Variants in TLR8 observed in about 807,000 individuals in gnomAD.
TLR8 encodes the protein toll like receptor 8.
In TLR8, 5 loss-of-function variants were observed where a neutral mutation model predicts 18.5. The observed-to-expected ratio is 0.27, with a 90% CI of 0.14 to 0.57. The LOEUF (loss-of-function observed/expected upper bound fraction) is 0.57, where lower values mean the gene tolerates loss of function less well. Ranked by LOEUF, TLR8 falls within the 20% of genes least tolerant of loss-of-function variation. TLR8 has a pLI of 0.92. For synonymous variants in TLR8, 299 were observed against 300.1 expected (o/e 1.00, Z 0.04); for missense variants, 543 against 769.8 (o/e 0.71, Z 3.49).
In TLR8 at chrX:12,920,825, C is replaced by T; in HGVS notation, c.1785C>T (p.Asn595=). The part of the protein sequence containing the change: ...NLKVLNLSHN[N]IYTLTDKYNL... The stretch of plus-strand genomic sequence containing the variant: ...AAGTTTTAAACTTGAGCCACAACAA[C>T]ATTTATACTTTAACAGATAAGTATA... The change falls in exon 2 of 2, where the codon AAC becomes AAT. Residue 595 remains asparagine (N), a synonymous_variant. Transcript: ENST00000218032. 1 of 1,210,997 alleles carries T rather than the reference C, an allele frequency of 8.3e-7. No individual in the cohort carries two copies. The highest frequency in any genetic ancestry group is 1.1e-6 in the Non-Finnish European group (1 of 894,860).
chrX:12,908,302 T>C (rs2042998580), intron 1 of TLR8: 1 of 111,426 alleles, frequency 9.0e-6, no homozygotes, highest in African/African-American at 3.3e-5. Context: ...GATCGCACCA[T>C]TGTACTCCAG....
chrX:12,909,574 C>A (rs1006915008), intron 1 of TLR8, among the ~76,000 whole-genome samples: 7 of 111,796 alleles, frequency 6.3e-5, no homozygotes, highest in African/African-American at 2.3e-4. Flanking sequence ...TGGAAGTTCT[C>A]TGTGGTAGCC....
intron 1 of TLR8, chrX:12,910,382 G>C (rs1176810035): frequency 8.6e-7 from 1 of 1,166,942 alleles, no homozygotes; most frequent in Admixed American, 2.6e-5. Context: ...CTTTGAAAGG[G>C]AGAATGAAGG....
At chrX:12,918,765 G>T (rs1016537430) in intron 1 of TLR8, among the ~76,000 whole-genome samples, 5 of 111,256 alleles carry the variant, frequency 4.5e-5, no homozygotes, top group African/African-American at 1.6e-4. Flanking sequence ...AAACTCCTGG[G>T]CTCAAACCAT....
rs761665080 is a variant in TLR8, at chrX:12,919,277, G to A, written c.237G>A (p.Thr79=). The A allele has an allele frequency of 2.6e-5, 32 of 1,210,193 alleles. No homozygotes were observed. In the South Asian group the frequency reaches 4.4e-4, roughly 17 times the overall value. The change falls in exon 2 of 2, where the codon ACG becomes ACA. Residue 79 remains threonine, a synonymous_variant. Transcript: ENST00000218032. The part of the protein sequence containing the change: ...DLSDNFITHI[T]NESFQGLQNL... Reference sequence around the variant, plus strand: ...CTGATAATTTCATCACACACATAACGAATGAATCATTTCAAGGGCTGCAAA... The same window carrying A: ...CTGATAATTTCATCACACACATAACAAATGAATCATTTCAAGGGCTGCAAA...
intron 1 of TLR8, among the ~76,000 whole-genome samples, chrX:12,909,859 T>TTTTTTG (rs1231441041): frequency 1.8e-5 from 2 of 112,225 alleles, no homozygotes; most frequent in Non-Finnish European, 1.9e-5. Context: ...TTCTTTGGGT[T>TTTTTTG]TTTTTGTTTT....
Position 12,920,682 on chromosome X carries a change from A to G in TLR8, c.1642A>G (p.Ser548Gly). The change falls in exon 2 of 2, where the codon AGT (serine) becomes GGT (glycine). Residue 548 changes from serine (S) to glycine (G), a missense_variant. Ser to Gly is a moderately conservative substitution (Grantham distance 56). Coordinates refer to ENST00000218032, the MANE Select transcript of TLR8 (RefSeq NM_138636.5). ...CAATAGACTAGACTTTGATAATGCT[A>G]GTGCTCTTACTGAATTGTCCGACTT... ...TNNRLDFDNA[S>G]ALTELSDLEV... 8.3e-7 allele frequency: 1 copy of G among 1,211,795 alleles called. No homozygotes were observed. Among genetic ancestry groups the G allele is most frequent in the Non-Finnish European group, 1.1e-6 (1 of 895,254 alleles).
intron 1 of TLR8, among the ~76,000 whole-genome samples, chrX:12,917,686 A>G (rs1049959889): frequency 8.9e-6 from 1 of 112,344 alleles, no homozygotes; most frequent in Non-Finnish European, 1.9e-5. Flanking sequence ...ATTAAGAAAC[A>G]GTTACAGAAA....
intron 1 of TLR8, among the ~76,000 whole-genome samples, chrX:12,917,824 T>C (rs1258814730): frequency 8.9e-6 from 1 of 112,377 alleles, no homozygotes; most frequent in Non-Finnish European, 1.9e-5. Context: ...AGGGAACATA[T>C]GAGTAGTAAT....
intron 1 of TLR8, among the ~76,000 whole-genome samples, chrX:12,918,116 A>G (rs779161724): frequency 6.0e-4 from 68 of 112,588 alleles, no homozygotes; most frequent in African/African-American, 2.1e-3. Context: ...CACTTAGCAC[A>G]ATACCTGACA....
intron 1 of TLR8, among the ~76,000 whole-genome samples, chrX:12,913,642 T>G (rs960874993): frequency 1.2e-4 from 14 of 112,854 alleles, no homozygotes; most frequent in African/African-American, 4.5e-4. Flanking sequence ...GCTAACAGCC[T>G]TTGCAATGAA....
At chrX:12,907,819 G>A (rs1054410618) in intron 1 of TLR8, among the ~76,000 whole-genome samples, 4 of 110,846 alleles carry the variant, frequency 3.6e-5, no homozygotes, top group East Asian at 5.7e-4. Flanking sequence ...GAGCCACCGC[G>A]CCCGGCCTGA....
intron 1 of TLR8, among the ~76,000 whole-genome samples, chrX:12,914,748 T>C (rs1458733992): frequency 8.9e-6 from 1 of 112,026 alleles, no homozygotes; most frequent in African/African-American, 3.3e-5. Flanking sequence ...ATCTCATGAC[T>C]GAAGTTCTGT....
At position 12,921,057 on chromosome X, in the gene TLR8, G is replaced by T. The variant is rs757615848; in HGVS notation, c.2017G>T (p.Asp673Tyr). Residue 673 changes from aspartate to tyrosine, a missense_variant, in exon 2 of 2, where the codon GAT becomes TAT. This residue lies in a region of TLR8 where 227 missense variants were observed against 312.9 expected (regional missense o/e 0.73). Coordinates refer to ENST00000218032, the MANE Select transcript of TLR8 (RefSeq NM_138636.5). ...PASLTELHIN[D>Y]NMLKFFNWTL... Reference sequence around the variant, plus strand: ...GAGTCTCACTGAACTACATATAAATGATAATATGTTAAAGTTTTTTAACTG... The same window carrying T: ...GAGTCTCACTGAACTACATATAAATTATAATATGTTAAAGTTTTTTAACTG... 6.6e-6 allele frequency: 8 copies of T among 1,210,161 alleles called. No individual in the cohort carries two copies. The highest frequency in any genetic ancestry group is 6.7e-6 in the Non-Finnish European group (6 of 894,259).
intron 1 of TLR8, among the ~76,000 whole-genome samples, chrX:12,909,673 C>G (rs2147253454): frequency 8.9e-6 from 1 of 111,761 alleles, no homozygotes; most frequent in South Asian, 3.8e-4. Context: ...CTCTGCTGAT[C>G]ACTGAAACCA....
chrX:12,922,018 G>C lies in TLR8; in HGVS notation c.2978G>C (p.Arg993Pro). 3.3e-6 allele frequency: 4 copies of C among 1,211,601 alleles called. No homozygotes were observed. The highest frequency in any genetic ancestry group is 4.5e-6 in the Non-Finnish European group (4 of 895,486). Residue 993 changes from arginine (R) to proline (P), a missense_variant, in exon 2 of 2, where the codon CGG (arginine) becomes CCG (proline). By Grantham distance (103) the Arg-to-Pro change is moderately radical. This residue lies in a region of TLR8 where 227 missense variants were observed against 312.9 expected (regional missense o/e 0.73). Transcript: ENST00000218032. ...VLQHSQYLRL[R>P]QRICKSSILQ... ...CAGCATTCTCAGTATTTGAGGCTAC[G>C]GCAGCGGATCTGTAAGAGCTCCATC...
At chrX:12,907,071 G>C (rs951437141) in intron 1 of TLR8, among the ~76,000 whole-genome samples, 1 of 112,331 alleles carries the variant, frequency 8.9e-6, no homozygotes, top group Non-Finnish European at 1.9e-5. Context: ...TGGAAGAGAA[G>C]GTGAGGGAAA....
In TLR8 at chrX:12,921,243, G is replaced by A; in HGVS notation, c.2203G>A (p.Val735Ile). 1 of 1,211,712 alleles carries A rather than the reference G, an allele frequency of 8.3e-7. No individual in the cohort carries two copies. Among genetic ancestry groups the A allele is most frequent in the Admixed American group, 2.2e-5 (1 of 46,013 alleles). ...CCTACCCTCTGGCTTTCTTTCTGAA[G>A]TCAGTAGTCTGAAGCACCTCGATTT... Reference protein sequence around the residue: ...SHLPSGFLSEVSSLKHLDLSS... With the variant: ...SHLPSGFLSEISSLKHLDLSS... Residue 735 changes from valine to isoleucine, a missense_variant, in exon 2 of 2, where the codon GTC becomes ATC. Physicochemically the swap from Val to Ile is conservative, Grantham distance 29. Around this residue, in one of 4 missense-constraint regions of TLR8, gnomAD observed 227 missense variants for 312.9 expected, o/e 0.73. Transcript: ENST00000218032.
Position 12,922,948 on chromosome X carries a change from G to T in TLR8, c.*782G>T, listed in dbSNP as rs561725863. On this transcript the variant is annotated 3_prime_UTR_variant, in exon 2 of 2. Transcript: ENST00000218032. ...CATGGTTATATTATGCTGTGGTTGC[G>T]TTCGGTTTTATTTACAGTTGCTTTT... The T allele has an allele frequency of 1.4e-4, 16 of 112,064 alleles. No homozygotes were observed. Among genetic ancestry groups the T allele is most frequent in the African/African-American group, 4.9e-4 (15 of 30,869 alleles). The allele number at this position is 112,064 out of a possible 1,213,427, so 9.2% of individuals were successfully genotyped here. A position where few individuals can be genotyped will look rare whatever the true frequency, so the allele number is the denominator to read the frequency against.
Sources: gnomAD v4.1 joint callset for allele counts (sites outside exome capture counted in the v4.1 genomes callset) on GRCh38, gnomAD v4.1.1 for gene constraint, gnomAD v4.1.1 regional missense constraint, MANE v1.5 for transcripts, NCBI Gene and HGNC (gene_info 2026-07-23, HGNC 2026-07-21) for gene names.